The following TMTC2 variants were observed in gnomAD, a reference collection of about 807,000 sequenced individuals.
TMTC2 encodes the protein protein O-mannosyl-transferase TMTC2.
A neutral mutation model predicts 82.4 loss-of-function variants in TMTC2; 43 were observed. The ratio of observed to expected loss-of-function variants is 0.52; its 90% CI spans 0.41 to 0.67. The LOEUF (loss-of-function observed/expected upper bound fraction) is 0.67, where lower values mean the gene tolerates loss of function less well. Among genes scored for constraint, TMTC2 ranks in the 30% least tolerant of loss-of-function variants. The pLI, the probability that TMTC2 is intolerant of heterozygous loss-of-function variation, is 0.00. For missense variants in TMTC2, 919 were observed against 1,012.4 expected, an observed-to-expected ratio of 0.91 and a Z score of 1.25; for synonymous variants, 408 against 381.9, an observed-to-expected ratio of 1.07 and a Z score of -0.80.
chr12:82,902,991 C>G (rs1181549668), intron 3 of TMTC2, among the ~76,000 whole-genome samples: 1 of 152,184 alleles, frequency 6.6e-6, no homozygotes, highest in African/African-American at 2.4e-5. Context: ...TGTATACTCA[C>G]CAGCCTTTCC....
At chr12:82,822,835 C>T (rs1467143932) in intron 1 of TMTC2, among the ~76,000 whole-genome samples, 6 of 152,152 alleles carry the variant, frequency 3.9e-5, no homozygotes, top group African/African-American at 1.4e-4. Flanking sequence ...TATAGCTGGG[C>T]ACGCTGCAGT....
intron 9 of TMTC2, among the ~76,000 whole-genome samples, chr12:83,033,630 A>G (rs1881532782): frequency 6.6e-6 from 1 of 151,994 alleles, no homozygotes; most frequent in Admixed American, 6.6e-5. Flanking sequence ...GCATGCCTGT[A>G]ATCCCAGCTA....
At chr12:82,958,520 G>T (rs1404536929) in intron 4 of TMTC2, among the ~76,000 whole-genome samples, 1 of 152,004 alleles carries the variant, frequency 6.6e-6, no homozygotes, top group East Asian at 1.9e-4. Context: ...TGCAAGGTTG[G>T]TTCAACATGT....
At chr12:82,708,155 A>C (rs1051248969) in intron 1 of TMTC2, among the ~76,000 whole-genome samples, 3 of 152,294 alleles carry the variant, frequency 2.0e-5, no homozygotes, top group African/African-American at 7.2e-5. Flanking sequence ...TGGGGCTTGC[A>C]AAGCCTAAAA....
At chr12:83,015,911 C>T (rs1880657131) in intron 8 of TMTC2, among the ~76,000 whole-genome samples, 2 of 152,148 alleles carry the variant, frequency 1.3e-5, no homozygotes, top group African/African-American at 4.8e-5. Context: ...TTTCCCCTTT[C>T]CACCTAGTTT....
intron 2 of TMTC2, among the ~76,000 whole-genome samples, chr12:82,888,242 A>G (rs1873204763): frequency 6.6e-6 from 1 of 152,152 alleles, no homozygotes; most frequent in African/African-American, 2.4e-5. Flanking sequence ...AGATGCAGTA[A>G]TTTTCCCATT....
At chr12:82,954,781 T>C (rs1877527972) in intron 4 of TMTC2, among the ~76,000 whole-genome samples, 1 of 152,244 alleles carries the variant, frequency 6.6e-6, no homozygotes, top group Non-Finnish European at 1.5e-5. Flanking sequence ...TTGGATGTTT[T>C]GATAGTTCTA....
intron 11 of TMTC2, among the ~76,000 whole-genome samples, chr12:83,108,413 T>G (rs958717618): frequency 6.6e-6 from 1 of 152,098 alleles, no homozygotes; most frequent in Admixed American, 6.6e-5. Context: ...AGGCGGATCA[T>G]GAGGTCAAGA....
chr12:82,930,383 A>G (rs1298137961), intron 3 of TMTC2, 48 bp from the exon 4 acceptor site: 4 of 1,102,288 alleles, frequency 3.6e-6, no homozygotes, highest in East Asian at 4.8e-5. Flanking sequence ...TATGTCATGT[A>G]TAATTGGATT....
intron 9 of TMTC2, among the ~76,000 whole-genome samples, chr12:83,043,253 A>C (rs1452077314): frequency 6.6e-6 from 1 of 152,194 alleles, no homozygotes; most frequent in Non-Finnish European, 1.5e-5. Flanking sequence ...ACCACTCTTT[A>C]GTAGTATCCC....
chr12:82,875,059 A>G (rs965146182), intron 2 of TMTC2, among the ~76,000 whole-genome samples: 64 of 152,294 alleles, frequency 4.2e-4, no homozygotes, highest in South Asian at 8.3e-4. Flanking sequence ...GGAGTTTACT[A>G]CAATTACTCA....
intron 1 of TMTC2, among the ~76,000 whole-genome samples, chr12:82,789,349 G>C (rs922065887): frequency 6.6e-6 from 1 of 152,118 alleles, no homozygotes; most frequent in Non-Finnish European, 1.5e-5. Context: ...TATTAATAAA[G>C]AGGGAGGAAC....
intron 11 of TMTC2, among the ~76,000 whole-genome samples, chr12:83,082,689 G>T (rs996404932): frequency 7.9e-5 from 12 of 152,134 alleles, no homozygotes; most frequent in African/African-American, 1.2e-4. Flanking sequence ...GCTGTATTCT[G>T]TTCATGATAT....
chr12:83,012,013 C>A (rs1329444829), intron 8 of TMTC2, among the ~76,000 whole-genome samples: 1 of 152,094 alleles, frequency 6.6e-6, no homozygotes, highest in East Asian at 1.9e-4. Context: ...TTCAGTCAGG[C>A]CGTAACACTC....
intron 1 of TMTC2, among the ~76,000 whole-genome samples, chr12:82,703,087 C>T (rs1873158086): frequency 1.3e-5 from 2 of 152,004 alleles, no homozygotes; most frequent in Admixed American, 1.3e-4. Flanking sequence ...GTCCTGGCTA[C>T]TTTGGAGGCT....
intron 1 of TMTC2, among the ~76,000 whole-genome samples, chr12:82,804,019 C>T (rs527812786): frequency 9.9e-5 from 15 of 152,086 alleles, no homozygotes; most frequent in East Asian, 1.9e-4. Context: ...GATTCATCTC[C>T]GGCAGTTTAG....
chr12:82,779,828 G>A (rs1877803006), intron 1 of TMTC2, among the ~76,000 whole-genome samples: 1 of 152,108 alleles, frequency 6.6e-6, no homozygotes, highest in Admixed American at 6.6e-5. Context: ...TGAACCAAGA[G>A]GCGGAGGATG....
chr12:82,758,354 G>C (rs534227815), intron 1 of TMTC2, among the ~76,000 whole-genome samples: 4 of 152,172 alleles, frequency 2.6e-5, no homozygotes, highest in Admixed American at 2.6e-4. Flanking sequence ...CTTTGTTGTA[G>C]TATGTAGCTC....
chr12:82,816,384 T>A (rs2137056347), intron 1 of TMTC2, among the ~76,000 whole-genome samples: 1 of 152,216 alleles, frequency 6.6e-6, no homozygotes. Context: ...ATACCACAGA[T>A]GTCCCTCACC....
Sources: allele counts gnomAD v4.1 joint callset (sites outside exome capture counted in the v4.1 genomes callset), GRCh38; gene constraint gnomAD v4.1.1; transcripts MANE v1.5; gene names NCBI Gene and HGNC (gene_info 2026-07-23, HGNC 2026-07-21).